Variants in FAM210B observed in about 807,000 individuals in gnomAD.
FAM210B encodes family with sequence similarity 210 member B.
In FAM210B, 11 loss-of-function variants were observed where a neutral mutation model predicts 14.9. The ratio of observed to expected loss-of-function variants is 0.74; its 90% confidence interval spans 0.46 to 1.22. The LOEUF (loss-of-function observed/expected upper bound fraction) is 1.22. Ranked by LOEUF, FAM210B falls within the 50% of genes most tolerant of loss-of-function variation. The pLI is 0.00. For synonymous variants in FAM210B, 113 were observed against 110.2 expected (o/e 1.03, Z -0.16); for missense variants, 229 against 250.1 (o/e 0.92, Z 0.57).
chr20:56,362,253 A>T lies in FAM210B; in HGVS notation c.187-2834A>T, dbSNP rs144855276. ...GGCAAGGTCCTTGGCTCATTCTTTA[A>T]ACCTTCCTACCCCCTCTCTATTACA... On this transcript the variant is annotated intron_variant, in intron 1 of 2. Coordinates refer to ENST00000371384, the MANE Select transcript of FAM210B (RefSeq NM_080821.3). This position sits in a 1 kb window ranked among gnomAD's most constrained non-coding sequence, Gnocchi z 4.8. Among the ~76,000 whole-genome samples, 390 of 152,230 alleles carry T rather than the reference A, an allele frequency of 2.6e-3. 4 individuals carry two copies. The highest frequency in any genetic ancestry group is 8.7e-3 in the African/African-American group (363 of 41,544).
rs1983702680 is a variant in FAM210B at position 56,368,545 on chromosome 20, A to T, written c.*2258A>T. The stretch of plus-strand genomic sequence containing the variant: ...CAGAAAATAACCGGAGAAGACAAGG[A>T]GGTCAAAGGATCAGGGAACTAAGCA... On this transcript the variant is annotated 3_prime_UTR_variant, in exon 3 of 3. Coordinates refer to ENST00000371384, the MANE Select transcript of FAM210B (RefSeq NM_080821.3). 6.6e-6 allele frequency: 1 copy of T among 152,252 alleles called. No individual in the cohort carries two copies. The highest frequency in any genetic ancestry group is 6.5e-5 in the Admixed American group (1 of 15,284). 9.4% of individuals were successfully genotyped at this position (152,252 alleles called of 1,614,324 possible).
At chr20:56,365,344 T>G (rs1285796570) in intron 2 of FAM210B, 82 bp downstream of exon 2, 16 of 1,244,872 alleles carry the variant, frequency 1.3e-5, no homozygotes, top group Middle Eastern at 2.2e-4. Context: ...TTGCTAAGAC[T>G]TTTTTTTTAA....
In FAM210B at chr20:56,366,170, T is replaced by C; in HGVS notation, c.462T>C (p.Tyr154=). 3 of 1,614,206 alleles carry C rather than the reference T, an allele frequency of 1.9e-6. No homozygotes were observed. The highest frequency in any genetic ancestry group is 2.5e-6 in the Non-Finnish European group (3 of 1,180,038). Residue 154 remains tyrosine (Y), a synonymous_variant, in exon 3 of 3, where the codon TAT becomes TAC. Coordinates refer to ENST00000371384, the MANE Select transcript of FAM210B (RefSeq NM_080821.3). ...AAGTSTFVVA[Y]AIHKLFAPVR... ...GCACAAGTACCTTCGTGGTGGCCTA[T>C]GCAATCCACAAGCTGTTTGCGCCAG... is the stretch of plus-strand genomic sequence containing the variant.
At chr20:56,360,432 G>C in intron 1 of FAM210B, 1 of 348,144 alleles carries the variant, frequency 2.9e-6, no homozygotes, top group East Asian at 7.6e-5. Context: ...CTTGTCCCCA[G>C]CTCAGGCCCT....
rs1402849241 is a variant in FAM210B, at chr20:56,366,146, C to A, written c.438C>A (p.Gly146=). Residue 146 remains glycine, a synonymous_variant, in exon 3 of 3, where the codon GGC becomes GGA. Coordinates refer to ENST00000371384, the MANE Select transcript of FAM210B (RefSeq NM_080821.3). ...ESLVQSKMAA[G]TSTFVVAYAI... ...TGGTACAGTCAAAAATGGCAGCAGG[C>A]ACAAGTACCTTCGTGGTGGCCTATG... 1.9e-6 allele frequency: 3 copies of A among 1,614,184 alleles called. No individual in the cohort carries two copies. Among genetic ancestry groups the A allele is most frequent in the Admixed American group, 3.3e-5 (2 of 60,018 alleles).
Position 56,362,281 on chromosome 20 carries a change from T to A in FAM210B, c.187-2806T>A, listed in dbSNP as rs1983547740. The stretch of plus-strand genomic sequence containing the variant: ...CTTCCTACCCCCTCTCTATTACAGG[T>A]TTTTGTACTTTAAAAAATGTTGGGG... On this transcript the variant is annotated intron_variant, in intron 1 of 2. Coordinates refer to ENST00000371384, the MANE Select transcript of FAM210B (RefSeq NM_080821.3). This position sits in a 1 kb window ranked among gnomAD's most constrained non-coding sequence, Gnocchi z 4.8. 6.6e-6 allele frequency among the ~76,000 whole-genome samples: 1 copy of A among 152,040 alleles called. No individual in the cohort carries two copies. The highest frequency in any genetic ancestry group is 2.4e-5 in the African/African-American group (1 of 41,388).
rs1379888301 is a variant in FAM210B, at chr20:56,366,387, G to A, written c.*100G>A. ...GGGTTGTAGGGTTTCTTTTGGAGAG[G>A]TAGGGGGCTAATTGCTATGTTCTCA... On this transcript the variant is annotated 3_prime_UTR_variant, in exon 3 of 3. Transcript: ENST00000371384. 22 of 1,106,656 alleles carry A rather than the reference G, an allele frequency of 2.0e-5. No homozygotes were observed. In the African/African-American group the frequency reaches 3.2e-4, roughly 16 times the overall value. 68.6% of individuals were successfully genotyped at this position (1,106,656 alleles called of 1,614,324 possible).
chr20:56,366,692 C>A lies in FAM210B; in HGVS notation c.*405C>A, dbSNP rs1008467155. The A allele has an allele frequency of 4.0e-5, 7 of 175,264 alleles. No individual in the cohort carries two copies. The highest frequency in any genetic ancestry group is 8.5e-5 in the Non-Finnish European group (7 of 82,356). The allele number at this position is 175,264 out of a possible 1,614,324, so 10.9% of individuals were successfully genotyped here. On this transcript the variant is annotated 3_prime_UTR_variant, in exon 3 of 3. Coordinates refer to ENST00000371384, the MANE Select transcript of FAM210B (RefSeq NM_080821.3). ...ACTGGCTTTTAAATATCCCCTTCCG[C>A]TGATATTTGTTGTCAGCTGCCTACA...
At chr20:56,364,637 G>A (rs1046070914) in intron 1 of FAM210B, among the ~76,000 whole-genome samples, 1 of 152,146 alleles carries the variant, frequency 6.6e-6, no homozygotes, top group African/African-American at 2.4e-5. Flanking sequence ...ATTGCACTTA[G>A]TGACTAAGTT....
chr20:56,359,748 A>T lies in FAM210B; in HGVS notation c.186+557A>T, dbSNP rs889491998. Among the ~76,000 whole-genome samples the T allele has an allele frequency of 6.6e-6, 1 of 152,234 alleles. No homozygotes were observed. The highest frequency in any genetic ancestry group is 6.5e-5 in the Admixed American group (1 of 15,284). ...AGTCATACCAGCTTTCCTTTCAAGAAATCTATCACTTTCTTCCAAGTGAGT... is the reference window on the plus strand; with the variant it reads ...AGTCATACCAGCTTTCCTTTCAAGATATCTATCACTTTCTTCCAAGTGAGT... On this transcript the variant is annotated intron_variant, in intron 1 of 2. Transcript: ENST00000371384. The surrounding 1 kb of genome is among the most constrained non-coding windows in gnomAD (Gnocchi z 4.3).
intron 1 of FAM210B, chr20:56,360,086 C>T (rs1983502039): frequency 4.7e-6 from 2 of 421,940 alleles, no homozygotes; most frequent in Admixed American, 2.5e-5. Context: ...ATCTCCTGAC[C>T]GTTTCCTAGC....
intron 2 of FAM210B, among the ~76,000 whole-genome samples, chr20:56,365,743 A>G (rs961369386): frequency 6.6e-6 from 1 of 152,074 alleles, no homozygotes; most frequent in African/African-American, 2.4e-5. Flanking sequence ...TGACCTAGTG[A>G]TCCGCCCCCT....
In FAM210B at chr20:56,359,522, G is replaced by C. The variant is rs2146106477; in HGVS notation, c.186+331G>C. On this transcript the variant is annotated intron_variant, in intron 1 of 2. Coordinates refer to ENST00000371384, the MANE Select transcript of FAM210B (RefSeq NM_080821.3). This position sits in a 1 kb window ranked among gnomAD's most constrained non-coding sequence, Gnocchi z 4.3. ...TCTGAACTTCCACACGTTGCCTGCG[G>C]AGTTGTTGTCCAGGCCTTCTGGCTG... Among the ~76,000 whole-genome samples, 1 of 152,352 alleles carries C rather than the reference G, an allele frequency of 6.6e-6. No homozygotes were observed. Among genetic ancestry groups the C allele is most frequent in the East Asian group, 1.9e-4 (1 of 5,178 alleles).
rs1983485878 is a variant in FAM210B, at chr20:56,359,288, CT to C, written c.186+100del. On this transcript the variant is annotated intron_variant, in intron 1 of 2. Coordinates refer to ENST00000371384, the MANE Select transcript of FAM210B (RefSeq NM_080821.3). The surrounding 1 kb of genome is among the most constrained non-coding windows in gnomAD (Gnocchi z 4.3). ...GTCCGGCCGCCTCCGCCAAGGACGC[CT>C]TTGCACTTGTAGCTGCCCGGGACCG... The C allele has an allele frequency of 8.7e-7, 1 of 1,155,504 alleles. No homozygotes were observed. Among genetic ancestry groups the C allele is most frequent in the African/African-American group, 1.6e-5 (1 of 62,080 alleles). The allele number at this position is 1,155,504 out of a possible 1,614,324, so 71.6% of individuals were successfully genotyped here.
At position 56,359,119 on chromosome 20, in the gene FAM210B, C is replaced by A; in HGVS notation, c.114C>A (p.Ala38=). ...CCCCCTGCGCCCCGCCGCCCCTGGCCCTGGCCCTGCTCCCGCCCAGGCTAG... is the reference window on the plus strand; with the variant it reads ...CCCCCTGCGCCCCGCCGCCCCTGGCACTGGCCCTGCTCCCGCCCAGGCTAG... ...ATAPCAPPPL[A]LALLPPRLDA... Residue 38 remains alanine, a synonymous_variant, in exon 1 of 3, where the codon GCC becomes GCA. Coordinates refer to ENST00000371384, the MANE Select transcript of FAM210B (RefSeq NM_080821.3). The surrounding 1 kb of genome is among the most constrained non-coding windows in gnomAD (Gnocchi z 4.3). 7.6e-7 allele frequency: 1 copy of A among 1,312,340 alleles called. No individual in the cohort carries two copies. The highest frequency in any genetic ancestry group is 9.7e-7 in the Non-Finnish European group (1 of 1,033,460). The allele number at this position is 1,312,340 out of a possible 1,614,324, so 81.3% of individuals were successfully genotyped here.
chr20:56,366,022 AT>A, intron 2 of FAM210B, 48 bp from the exon 3 acceptor site: 6 of 1,416,624 alleles, frequency 4.2e-6, no homozygotes, highest in Non-Finnish European at 5.9e-6. Flanking sequence ...CAATTTCTTC[AT>A]TTAATCCCTT....
In FAM210B at chr20:56,365,179, T is replaced by C; in HGVS notation, c.279T>C (p.Phe93=). 1 of 1,614,204 alleles carries C rather than the reference T, an allele frequency of 6.2e-7. No homozygotes were observed. Among genetic ancestry groups the C allele is most frequent in the Non-Finnish European group, 8.5e-7 (1 of 1,180,028 alleles). The part of the protein sequence containing the change: ...QSKSQQLKKI[F]QEYGTVGVSL... Reference sequence around the variant, plus strand: ...AGTCACAGCAACTGAAAAAGATTTTTCAAGAGTATGGCACTGTTGGCGTGT... The same window carrying C: ...AGTCACAGCAACTGAAAAAGATTTTCCAAGAGTATGGCACTGTTGGCGTGT... The change falls in exon 2 of 3, where the codon TTT becomes TTC. Residue 93 remains phenylalanine (F), a synonymous_variant. Coordinates refer to ENST00000371384, the MANE Select transcript of FAM210B (RefSeq NM_080821.3).
At chr20:56,361,699 G>A (rs1284646386) in intron 1 of FAM210B, among the ~76,000 whole-genome samples, 8 of 152,254 alleles carry the variant, frequency 5.3e-5, no homozygotes, top group East Asian at 1.9e-4. Context: ...AGATGAGGCC[G>A]GGCGCGGTGG....
intron 2 of FAM210B, among the ~76,000 whole-genome samples, chr20:56,365,518 G>A (rs1422899788): frequency 6.6e-6 from 1 of 151,200 alleles, no homozygotes; most frequent in Non-Finnish European, 1.5e-5. Flanking sequence ...TTGTTTGTTT[G>A]TTTTGGGGGA....
Sources: allele counts gnomAD v4.1 joint callset (sites outside exome capture counted in the v4.1 genomes callset), GRCh38; gene constraint gnomAD v4.1.1; non-coding constraint Gnocchi (gnomAD v3.1); transcripts MANE v1.5; gene names NCBI Gene and HGNC (gene_info 2026-07-23, HGNC 2026-07-21).